PATL2: variants seen among roughly 807,000 people sequenced by gnomAD.
PATL2 encodes PAT1 homolog 2.
PATL2 carries 73 observed loss-of-function variants against 77.0 expected under a neutral mutation model. The ratio of observed to expected loss-of-function variants is 0.95; its 90% confidence interval spans 0.78 to 1.15. PATL2 has a LOEUF of 1.15. Among genes scored for constraint, PATL2 ranks in the 50% most tolerant of loss-of-function variants. PATL2 has a pLI of 0.00. For missense variants in PATL2, 618 were observed against 655.4 expected (o/e 0.94, Z 0.62); for synonymous variants, 265 against 257.1 (o/e 1.03, Z -0.29).
chr15:44,667,387 A>C (rs1226368560), intron 15 of PATL2, 184 bp from the exon 16 acceptor site: 2 of 568,110 alleles, frequency 3.5e-6, no homozygotes, highest in East Asian at 5.9e-5. Context: ...TTTCCATAGG[A>C]ATCACTGCTC....
chr15:44,668,959 C>G (rs1252656349), intron 14 of PATL2, 21 bp downstream of exon 14: 1 of 1,514,836 alleles, frequency 6.6e-7, no homozygotes. Flanking sequence ...CCATCCTCTT[C>G]TCCACTCAAT....
chr15:44,701,515 G>A (rs2141264406), intron 3 of PATL2, among the ~76,000 whole-genome samples: 1 of 151,840 alleles, frequency 6.6e-6, no homozygotes, highest in South Asian at 2.1e-4. Context: ...GGCTAACATG[G>A]TGAAACCCTA....
At chr15:44,692,215 A>T (rs2086407987) in intron 3 of PATL2, among the ~76,000 whole-genome samples, 1 of 152,246 alleles carries the variant, frequency 6.6e-6, no homozygotes, top group Non-Finnish European at 1.5e-5. Flanking sequence ...GAAAGAATAA[A>T]CAATGGATTA....
At chr15:44,677,381 A>T (rs2086006591) in intron 3 of PATL2, among the ~76,000 whole-genome samples, 1 of 152,198 alleles carries the variant, frequency 6.6e-6, no homozygotes, top group Admixed American at 6.5e-5. Flanking sequence ...GCTCTGACTG[A>T]TGAGAGACCC....
intron 15 of PATL2, among the ~76,000 whole-genome samples, chr15:44,667,793 A>T (rs2085457481): frequency 6.6e-6 from 1 of 152,140 alleles, no homozygotes; most frequent in Non-Finnish European, 1.5e-5. Context: ...AAATACAAAA[A>T]TTAGCTGGGT....
Position 44,666,555 on chromosome 15 carries a change from A to C in PATL2, c.1464-14T>G. 1.3e-6 allele frequency: 2 copies of C among 1,500,660 alleles called. No homozygotes were observed. Among genetic ancestry groups the C allele is most frequent in the Non-Finnish European group, 8.9e-7 (1 of 1,126,040 alleles). 93.0% of individuals were successfully genotyped at this position (1,500,660 alleles called of 1,614,324 possible). On this transcript the variant is annotated splice_polypyrimidine_tract_variant and intron_variant, in intron 16 of 17. Coordinates refer to ENST00000682850, the MANE Select transcript of PATL2 (RefSeq NM_001387263.1). ...ACCATGTCTGTCCTAGAGAGCATAAATATAAATATAAGCAAATAGATTTGC... is the reference window on the plus strand; with the variant it reads ...ACCATGTCTGTCCTAGAGAGCATAACTATAAATATAAGCAAATAGATTTGC...
At chr15:44,699,508 T>G (rs2086582824) in intron 3 of PATL2, among the ~76,000 whole-genome samples, 1 of 152,080 alleles carries the variant, frequency 6.6e-6, no homozygotes, top group Non-Finnish European at 1.5e-5. Flanking sequence ...CCAGCTAATT[T>G]TTTGTATTTT....
rs964197917 is a variant in PATL2 at position 44,684,341 on chromosome 15, A to G, written c.-75-7776T>C. On this transcript the variant is annotated intron_variant, in intron 3 of 17. Coordinates refer to ENST00000682850, the MANE Select transcript of PATL2 (RefSeq NM_001387263.1). ...TCTAACCCAATGCAAGGAAGCTAAG[A>G]AGCTTGAAAAAAGGTTGGAGGAATT... 5.3e-5 allele frequency among the ~76,000 whole-genome samples: 8 copies of G among 152,124 alleles called. 1 individual carries two copies. Among genetic ancestry groups the G allele is most frequent in the Admixed American group, 3.9e-4 (6 of 15,268 alleles).
intron 3 of PATL2, among the ~76,000 whole-genome samples, chr15:44,700,107 T>C (rs1595987722): frequency 6.6e-6 from 1 of 152,302 alleles, no homozygotes; most frequent in South Asian, 2.1e-4. Context: ...TATTTTAACA[T>C]ATTGAGTCTC....
intron 3 of PATL2, among the ~76,000 whole-genome samples, chr15:44,690,177 G>A (rs145283857): frequency 6.6e-6 from 1 of 151,904 alleles, no homozygotes; most frequent in Non-Finnish European, 1.5e-5. Context: ...CAACAAGAGC[G>A]AAACTCCGTC....
At chr15:44,676,440 C>A in intron 4 of PATL2, 35 bp downstream of exon 4, 1 of 1,514,486 alleles carries the variant, frequency 6.6e-7, no homozygotes, top group Non-Finnish European at 9.0e-7. Context: ...CATGCTGGGG[C>A]ATTTTATATA....
intron 9 of PATL2, 80 bp downstream of exon 9, chr15:44,671,935 A>T: frequency 6.7e-7 from 1 of 1,497,132 alleles, no homozygotes; most frequent in South Asian, 1.3e-5. Flanking sequence ...TATGAGCCGA[A>T]GAGAGGATCA....
intron 16 of PATL2, 53 bp downstream of exon 16, chr15:44,667,053 T>TA: frequency 7.3e-7 from 1 of 1,368,092 alleles, no homozygotes; most frequent in Non-Finnish European, 1.0e-6. Flanking sequence ...CCTGGCTCAG[T>TA]CTGCACATCC....
chr15:44,675,707 G>A lies in PATL2; in HGVS notation c.17-16C>T, dbSNP rs1295359821. ...TTACCTGGCCCTTGGTTTAAGTGTG[G>A]GCCAGAGGAGAAGGTAAGATGGGGC... On this transcript the variant is annotated splice_polypyrimidine_tract_variant and intron_variant, in intron 4 of 17. Transcript: ENST00000682850. The A allele has an allele frequency of 3.3e-6, 5 of 1,534,514 alleles. No homozygotes were observed. The Admixed American group carries it at 8.2e-5, about 25-fold the overall frequency.
rs2085788969 is a variant in PATL2 at position 44,673,384 on chromosome 15, G to A, written c.304-7C>T. ...GCGACAGGTAGTCCAAGGTCTGAGAGAGGAATTAAGAGGTCTGGGAGAACG... is the reference window on the plus strand; with the variant it reads ...GCGACAGGTAGTCCAAGGTCTGAGAAAGGAATTAAGAGGTCTGGGAGAACG... On this transcript the variant is annotated splice_region_variant and splice_polypyrimidine_tract_variant and intron_variant, in intron 6 of 17. Transcript: ENST00000682850. 1.3e-6 allele frequency: 2 copies of A among 1,551,460 alleles called. No homozygotes were observed. The highest frequency in any genetic ancestry group is 3.9e-5 in the Admixed American group (2 of 50,990).
intron 3 of PATL2, among the ~76,000 whole-genome samples, chr15:44,683,124 G>A (rs922993285): frequency 6.6e-6 from 1 of 152,170 alleles, no homozygotes; most frequent in African/African-American, 2.4e-5. Context: ...AGGTGCCTAT[G>A]CCACCAGGGC....
intron 3 of PATL2, among the ~76,000 whole-genome samples, chr15:44,686,489 A>G (rs1334751839): frequency 2.0e-5 from 3 of 152,222 alleles, no homozygotes; most frequent in Admixed American, 6.5e-5. Context: ...TAACATCACA[A>G]TTAAAAGAAC....
chr15:44,675,769 A>G (rs2085924527), intron 4 of PATL2, 78 bp from the exon 5 acceptor site: 2 of 1,241,440 alleles, frequency 1.6e-6, no homozygotes, highest in African/African-American at 1.5e-5. Context: ...CTGCTACTCA[A>G]TAGCACTTCT....
chr15:44,705,808 A>ATTTTTTTTTT (rs1555390143), intron 3 of PATL2, among the ~76,000 whole-genome samples: 1 of 56,624 alleles, frequency 1.8e-5, no homozygotes, highest in Non-Finnish European at 3.1e-5. Context: ...TCCTCAAAAC[A>ATTTTTTTTTT]TTGTTTTTTT....
Sources: gnomAD v4.1 joint callset for allele counts (sites outside exome capture counted in the v4.1 genomes callset) on GRCh38, gnomAD v4.1.1 for gene constraint, MANE v1.5 for transcripts, NCBI Gene and HGNC (gene_info 2026-07-23, HGNC 2026-07-21) for gene names.